HEATR5A: variants seen among roughly 807,000 people sequenced by gnomAD.
HEATR5A encodes HEAT repeat-containing protein 5A.
HEATR5A carries 178 observed loss-of-function variants against 218.8 expected under a neutral mutation model. The ratio of observed to expected loss-of-function variants is 0.81; its 90% CI spans 0.72 to 0.92. The LOEUF (loss-of-function observed/expected upper bound fraction) is 0.92, where lower values mean the gene tolerates loss of function less well. Ranked by LOEUF, HEATR5A falls within the 40% of genes least tolerant of loss-of-function variation. HEATR5A has a pLI of 0.00. For synonymous variants in HEATR5A, 864 were observed against 871.6 expected, an observed-to-expected ratio of 0.99 and a Z score of 0.15; for missense variants, 2,420 against 2,418.9, an observed-to-expected ratio of 1.00 and a Z score of -0.01.
At chr14:31,352,843 A>G (rs1901281032) in intron 16 of HEATR5A, among the ~76,000 whole-genome samples, 1 of 152,060 alleles carries the variant, frequency 6.6e-6, no homozygotes, top group Non-Finnish European at 1.5e-5. Context: ...CTGTACTCCC[A>G]GCTACTTGGG....
chr14:31,334,684 C>T (rs937903309), intron 22 of HEATR5A, among the ~76,000 whole-genome samples: 3 of 152,200 alleles, frequency 2.0e-5, no homozygotes, highest in Non-Finnish European at 2.9e-5. Flanking sequence ...TGGTGGCTCA[C>T]GCCTTTAGTC....
chr14:31,339,869 C>T (rs1900788245), intron 21 of HEATR5A, among the ~76,000 whole-genome samples: 1 of 152,176 alleles, frequency 6.6e-6, no homozygotes, highest in Admixed American at 6.6e-5. Flanking sequence ...TAAAAAAGCA[C>T]TTTACAAGAC....
chr14:31,411,887 G>A (rs1223745564), intron 1 of HEATR5A, among the ~76,000 whole-genome samples: 3 of 151,586 alleles, frequency 2.0e-5, no homozygotes, highest in African/African-American at 4.8e-5. Flanking sequence ...AGACAGTCTC[G>A]TTCTCTTGCC....
chr14:31,402,134 T>C (rs2030900837), intron 2 of HEATR5A, among the ~76,000 whole-genome samples: 1 of 152,228 alleles, frequency 6.6e-6, no homozygotes, highest in African/African-American at 2.4e-5. Context: ...AGAATGTGTT[T>C]TGGAATGCTA....
chr14:31,316,003 G>T, intron 26 of HEATR5A, 54 bp from the exon 27 acceptor site: 1 of 1,378,692 alleles, frequency 7.3e-7, no homozygotes, highest in South Asian at 1.5e-5. Flanking sequence ...ATCTCCCTTG[G>T]CTGGGTGTGG....
rs141231715 is a variant in HEATR5A at position 31,356,739 on chromosome 14, C to G, written c.2411+1898G>C. On this transcript the variant is annotated intron_variant, in intron 16 of 35. Coordinates refer to ENST00000543095, the MANE Select transcript of HEATR5A (RefSeq NM_015473.4). ...TGAGCACATTAAAAAATTCATTAAA[C>G]TTAGTAAGAAAGGATCTTCCTGAAA... Among the ~76,000 whole-genome samples, 694 of 152,212 alleles carry G rather than the reference C, an allele frequency of 4.6e-3. 2 individuals carry two copies. Among genetic ancestry groups the G allele is most frequent in the African/African-American group, 0.016 (657 of 41,540 alleles).
chr14:31,308,332 AC>A (rs1445497553), intron 29 of HEATR5A, among the ~76,000 whole-genome samples: 4 of 151,956 alleles, frequency 2.6e-5, no homozygotes. Flanking sequence ...ACATGGAGAA[AC>A]CCCGTCTCGA....
chr14:31,360,027 CCTG>C (rs1233093585), intron 14 of HEATR5A, among the ~76,000 whole-genome samples: 2 of 138,918 alleles, frequency 1.4e-5, no homozygotes, highest in Non-Finnish European at 3.1e-5. Context: ...TGAACATAAT[CCTG>C]CTATCATAAT....
In HEATR5A at chr14:31,394,134, G is replaced by A; in HGVS notation, c.690C>T (p.Ser230=). The change falls in exon 6 of 36, where the codon TCC becomes TCT. Residue 230 remains serine, a synonymous_variant. Transcript: ENST00000543095. ...ATLCFKSFEG[S]NYDVRISVSK... Reference sequence around the variant, plus strand: ...AAACAGAAATCCGCACATCATAATTGGAACCTTCAAAGGACTTAAAACACA... The same window carrying A: ...AAACAGAAATCCGCACATCATAATTAGAACCTTCAAAGGACTTAAAACACA... 6.5e-7 allele frequency: 1 copy of A among 1,534,528 alleles called. No individual in the cohort carries two copies. The highest frequency in any genetic ancestry group is 8.7e-7 in the Non-Finnish European group (1 of 1,145,498).
intron 13 of HEATR5A, among the ~76,000 whole-genome samples, chr14:31,370,806 C>G (rs1902010916): frequency 6.6e-6 from 1 of 152,152 alleles, no homozygotes; most frequent in South Asian, 2.1e-4. Flanking sequence ...ATAACAAAAG[C>G]AAGCCCCAGA....
intron 22 of HEATR5A, among the ~76,000 whole-genome samples, chr14:31,330,246 A>ACCAT (rs1370457361): frequency 1.3e-5 from 2 of 152,160 alleles, no homozygotes; most frequent in African/African-American, 4.8e-5. Flanking sequence ...CAGGCCCAAC[A>ACCAT]CCATGTAGAA....
chr14:31,389,809 T>G (rs1218577025), intron 6 of HEATR5A, among the ~76,000 whole-genome samples: 1 of 152,132 alleles, frequency 6.6e-6, no homozygotes, highest in African/African-American at 2.4e-5. Flanking sequence ...AAAATCTAAC[T>G]TGGCATTTGG....
chr14:31,393,526 A>T (rs1251191096), intron 6 of HEATR5A, among the ~76,000 whole-genome samples: 1 of 152,192 alleles, frequency 6.6e-6, no homozygotes, highest in Non-Finnish European at 1.5e-5. Context: ...AAAAGCTGTA[A>T]TGTAAAAGGA....
At chr14:31,413,112 G>C (rs547593822) in intron 1 of HEATR5A, among the ~76,000 whole-genome samples, 603 of 152,226 alleles carry the variant, frequency 4.0e-3, no homozygotes, top group Middle Eastern at 6.8e-3. Flanking sequence ...AACACATTCA[G>C]TGTACCAAGA....
chr14:31,398,817 T>C, intron 3 of HEATR5A, 36 bp from the exon 4 acceptor site: 1 of 1,184,514 alleles, frequency 8.4e-7, no homozygotes, highest in Non-Finnish European at 1.2e-6. Context: ...TAGTCACAGC[T>C]GAAAAAATAG....
At position 31,349,865 on chromosome 14, in the gene HEATR5A, C is replaced by T. The variant is rs1901159172; in HGVS notation, c.2632G>A (p.Glu878Lys). 2 of 1,613,116 alleles carry T rather than the reference C, an allele frequency of 1.2e-6. No individual in the cohort carries two copies. The highest frequency in any genetic ancestry group is 1.1e-5 in the South Asian group (1 of 90,960). Residue 878 changes from glutamate (E) to lysine (K), a missense_variant, in exon 18 of 36, where the codon GAG (glutamate) becomes AAG (lysine). Transcript: ENST00000543095. The stretch of plus-strand genomic sequence containing the variant: ...ACTTGGGCTAATCTAGCCCATGACT[C>T]TGCAGCTGCACATCTCAGCAAGGGG... ...PNPLLRCAAA[E>K]SWARLAQVVD...
At position 31,332,878 on chromosome 14, in the gene HEATR5A, C is replaced by T. The variant is rs576916234; in HGVS notation, c.3367+4598G>A. On this transcript the variant is annotated intron_variant, in intron 22 of 35. Coordinates refer to ENST00000543095, the MANE Select transcript of HEATR5A (RefSeq NM_015473.4). ...GCGGGCACCTGTAATCCCACCTACT[C>T]GGGAGGCTGAGGCAGAAGACTCGCT... 7.9e-5 allele frequency among the ~76,000 whole-genome samples: 12 copies of T among 151,742 alleles called. No homozygotes were observed. In the South Asian group the frequency reaches 1.9e-3, roughly 24 times the overall value.
intron 33 of HEATR5A, among the ~76,000 whole-genome samples, chr14:31,301,808 CTTTTTTTTTTTTTTTT>C (rs35947008): frequency 2.4e-5 from 2 of 82,500 alleles, no homozygotes; most frequent in African/African-American, 1.1e-4. Flanking sequence ...ACACAGCTTT[CTTTTTTTTTTTTTTTT>C]TTTTTTTTTT....
chr14:31,357,480 T>G (rs1462531787), intron 16 of HEATR5A, among the ~76,000 whole-genome samples: 1 of 152,076 alleles, frequency 6.6e-6, no homozygotes, highest in Middle Eastern at 3.2e-3. Flanking sequence ...GACAGTGATT[T>G]GTAAACTATT....
Sources: gnomAD v4.1 joint callset for allele counts (sites outside exome capture counted in the v4.1 genomes callset) on GRCh38, gnomAD v4.1.1 for gene constraint, MANE v1.5 for transcripts, NCBI Gene and HGNC (gene_info 2026-07-23, HGNC 2026-07-21) for gene names.